ADGRL3: variants seen among roughly 807,000 people sequenced by gnomAD.
The protein encoded by ADGRL3 is adhesion G protein-coupled receptor L3, also known as calcium-independent alpha-latrotoxin receptor 3.
A neutral mutation model predicts 153.5 loss-of-function variants in ADGRL3; 62 were observed. That is an observed-to-expected ratio of 0.40 (90% CI 0.33 to 0.50). The LOEUF is 0.50. ADGRL3 is among the 20% of genes least tolerant of loss of function. The pLI is 0.47. For missense variants in ADGRL3, 1,641 were observed against 1,859.4 expected (o/e 0.88, Z 2.16); for synonymous variants, 710 against 672.5 (o/e 1.06, Z -0.86).
At chr4:61,289,066 A>G (rs991796445) in intron 1 of ADGRL3, among the ~76,000 whole-genome samples, 3 of 151,956 alleles carry the variant, frequency 2.0e-5, no homozygotes, top group Admixed American at 2.0e-4. Flanking sequence ...TTAACGCAAT[A>G]TAGAGGTTAT....
At chr4:61,413,599 T>C (rs1323159843) in intron 2 of ADGRL3, among the ~76,000 whole-genome samples, 2 of 152,112 alleles carry the variant, frequency 1.3e-5, no homozygotes, top group Non-Finnish European at 2.9e-5. Flanking sequence ...GTGCAGTGTT[T>C]ATCTAAAAGT....
chr4:61,749,957 G>T (rs1364544139), intron 8 of ADGRL3, among the ~76,000 whole-genome samples: 1 of 152,058 alleles, frequency 6.6e-6, no homozygotes, highest in Non-Finnish European at 1.5e-5. Flanking sequence ...AGAAGCAGTA[G>T]TTGAAATTGG....
intron 6 of ADGRL3, among the ~76,000 whole-genome samples, chr4:61,694,375 C>T (rs1350466855): frequency 6.6e-6 from 1 of 151,578 alleles, no homozygotes; most frequent in Non-Finnish European, 1.5e-5. Context: ...GGTTCAGTTC[C>T]AGAATGCTAG....
At chr4:61,546,670 G>A (rs2148723859) in intron 4 of ADGRL3, among the ~76,000 whole-genome samples, 2 of 151,902 alleles carry the variant, frequency 1.3e-5, no homozygotes, top group South Asian at 4.2e-4. Context: ...CATAGAAATG[G>A]GCAAATATTA....
At chr4:61,708,516 G>A (rs2095897019) in intron 6 of ADGRL3, among the ~76,000 whole-genome samples, 1 of 150,808 alleles carries the variant, frequency 6.6e-6, no homozygotes, top group Admixed American at 6.6e-5. Context: ...TTTTCATATT[G>A]GAAATTCAGT....
intron 9 of ADGRL3, among the ~76,000 whole-genome samples, chr4:61,833,428 G>A (rs1413316968): frequency 6.6e-6 from 1 of 152,120 alleles, no homozygotes; most frequent in Non-Finnish European, 1.5e-5. Flanking sequence ...CAGTCTCCCC[G>A]AGCATTCAGG....
At chr4:61,339,336 T>C (rs1375388164) in intron 1 of ADGRL3, among the ~76,000 whole-genome samples, 1 of 152,188 alleles carries the variant, frequency 6.6e-6, no homozygotes, top group African/African-American at 2.4e-5. Flanking sequence ...GCAAATTTGG[T>C]GATTGTATCA....
rs146546637 is a variant in ADGRL3, at chr4:61,925,121, G to A, written c.2113-9719G>A. ...CAGTATCTCTGTGGTTTTCTTTTTC[G>A]TTTTACAATCACTCTGTTACCCAGA... On this transcript the variant is annotated intron_variant, in intron 13 of 26. Transcript: ENST00000683033. Among the ~76,000 whole-genome samples the A allele has an allele frequency of 6.3e-4, 95 of 151,896 alleles. No individual in the cohort carries two copies. In the East Asian group the frequency reaches 9.1e-3, roughly 15 times the overall value.
intron 5 of ADGRL3, among the ~76,000 whole-genome samples, chr4:61,655,509 A>G (rs1277308085): frequency 6.6e-6 from 1 of 152,202 alleles, no homozygotes; most frequent in Non-Finnish European, 1.5e-5. Context: ...TTAAAAGTAA[A>G]AAATACACTT....
intron 1 of ADGRL3, among the ~76,000 whole-genome samples, chr4:61,291,030 G>T (rs1406625341): frequency 6.6e-6 from 1 of 151,992 alleles, no homozygotes; most frequent in Admixed American, 6.6e-5. Context: ...GACTGAAAGG[G>T]TAAGTTACAA....
chr4:61,281,266 T>A (rs138920477), intron 1 of ADGRL3, among the ~76,000 whole-genome samples: 169 of 152,256 alleles, frequency 1.1e-3, no homozygotes, highest in African/African-American at 3.8e-3. Context: ...AAAATTATAA[T>A]ATTCACATCC....
intron 5 of ADGRL3, among the ~76,000 whole-genome samples, chr4:61,640,417 A>G (rs1197828624): frequency 6.6e-6 from 1 of 152,138 alleles, no homozygotes; most frequent in Non-Finnish European, 1.5e-5. Context: ...ATTTAGCTTC[A>G]GTTGCCTGTT....
At position 61,466,781 on chromosome 4, in the gene ADGRL3, G is replaced by C. The variant is rs572772947; in HGVS notation, c.-173-30340G>C. On this transcript the variant is annotated intron_variant, in intron 2 of 26. Transcript: ENST00000683033. ...TCTATTGTATATCAATTAATAAAAT[G>C]GGATTAAAAATCAAACAAACTGCAG... Among the ~76,000 whole-genome samples, 3 of 151,990 alleles carry C rather than the reference G, an allele frequency of 2.0e-5. No individual in the cohort carries two copies. In the South Asian group the frequency reaches 6.2e-4, roughly 31 times the overall value.
intron 4 of ADGRL3, among the ~76,000 whole-genome samples, chr4:61,557,414 C>T (rs2148910753): frequency 6.6e-6 from 1 of 152,190 alleles, no homozygotes; most frequent in Admixed American, 6.5e-5. Context: ...GATTCACAGA[C>T]CTCAGGCACC....
At chr4:61,876,072 TAGG>T (rs1168263612) in intron 9 of ADGRL3, among the ~76,000 whole-genome samples, 2 of 151,846 alleles carry the variant, frequency 1.3e-5, no homozygotes, top group Non-Finnish European at 1.5e-5. Context: ...ATGCAATTTT[TAGG>T]AGATGTGGAA....
chr4:61,431,003 T>C (rs1382538780), intron 2 of ADGRL3, among the ~76,000 whole-genome samples: 2 of 152,232 alleles, frequency 1.3e-5, no homozygotes, highest in Non-Finnish European at 2.9e-5. Flanking sequence ...TGATTGTTAC[T>C]AATATCTCTT....
intron 19 of ADGRL3, among the ~76,000 whole-genome samples, chr4:61,990,234 A>G (rs1213727978): frequency 6.6e-6 from 1 of 152,064 alleles, no homozygotes; most frequent in Non-Finnish European, 1.5e-5. Context: ...ACATGCCATA[A>G]AATACATAAA....
At chr4:61,290,315 TG>T (rs941822682) in intron 1 of ADGRL3, among the ~76,000 whole-genome samples, 14 of 152,114 alleles carry the variant, frequency 9.2e-5, no homozygotes, top group African/African-American at 3.4e-4. Context: ...TCAGAACATA[TG>T]GTTAGGTTGA....
chr4:61,586,857 A>G (rs748083585), intron 4 of ADGRL3, among the ~76,000 whole-genome samples: 1 of 152,094 alleles, frequency 6.6e-6, no homozygotes, highest in Non-Finnish European at 1.5e-5. Flanking sequence ...GTTATTAAAA[A>G]GAAAGAAGAA....
Sources: gnomAD v4.1 joint callset for allele counts (sites outside exome capture counted in the v4.1 genomes callset) on GRCh38, gnomAD v4.1.1 for gene constraint, MANE v1.5 for transcripts, NCBI Gene and HGNC (gene_info 2026-07-23, HGNC 2026-07-21) for gene names.